Variants in VSTM4 observed in about 807,000 individuals in gnomAD.
VSTM4 encodes the protein V-set and transmembrane domain containing 4.
Under a neutral mutation model 36.4 loss-of-function variants are expected in VSTM4, and 20 were observed. That is an observed-to-expected ratio of 0.55 (90% CI 0.39 to 0.80). The LOEUF (loss-of-function observed/expected upper bound fraction) is 0.80, where lower values mean the gene tolerates loss of function less well. Ranked by LOEUF, VSTM4 falls within the 30% of genes least tolerant of loss-of-function variation. The pLI is 0.00. For synonymous variants in VSTM4, 182 were observed against 173.9 expected, an observed-to-expected ratio of 1.05 and a Z score of -0.37; for missense variants, 392 against 404.5, an observed-to-expected ratio of 0.97 and a Z score of 0.26.
At chr10:49,064,852 C>CTGA in intron 4 of VSTM4, 116 bp from the exon 5 acceptor site, 4 of 1,041,844 alleles carry the variant, frequency 3.8e-6, no homozygotes, top group Non-Finnish European at 5.7e-6. Context: ...GGTGCTATAC[C>CTGA]ACCCAACTCT....
intron 5 of VSTM4, among the ~76,000 whole-genome samples, chr10:49,063,116 AT>A (rs1843911192): frequency 6.6e-6 from 1 of 151,566 alleles, no homozygotes; most frequent in African/African-American, 2.4e-5. Context: ...AGGTGGGTGG[AT>A]CACCTGAGGT....
chr10:49,094,541 T>TTTTA (rs1057505240), intron 2 of VSTM4, among the ~76,000 whole-genome samples: 1 of 151,998 alleles, frequency 6.6e-6, no homozygotes, highest in African/African-American at 2.4e-5. Context: ...CTTACACAGG[T>TTTTA]TTTAATAGGA....
chr10:49,114,492 T>C (rs1844953240), intron 1 of VSTM4, among the ~76,000 whole-genome samples: 1 of 152,168 alleles, frequency 6.6e-6, no homozygotes, highest in Admixed American at 6.5e-5. Context: ...GGCAAGTCCG[T>C]TCATGGGCCT....
rs142127949 is a variant in VSTM4, at chr10:49,048,503, G to A, written c.750C>T (p.Asp250=). The part of the protein sequence containing the change: ...KKGKRQKEKP[D]IPPAVPAKAP... ...CTTTGGCAGGGACTGCGGGAGGAAT[G>A]TCAGGCTTCTCCTTCTGCCTCTTGC... Residue 250 remains aspartate, a synonymous_variant, in exon 6 of 8, where the codon GAC becomes GAT. Transcript: ENST00000332853. The A allele has an allele frequency of 0.011, 17,263 of 1,595,618 alleles. 800 individuals are homozygous for A. The South Asian group carries it at 0.12, about 11-fold the overall frequency.
intron 2 of VSTM4, among the ~76,000 whole-genome samples, chr10:49,096,338 C>T (rs139002611): frequency 6.6e-6 from 1 of 152,262 alleles, no homozygotes; most frequent in Non-Finnish European, 1.5e-5. Context: ...TTTAGGGTGA[C>T]AAACAGTTTT....
At chr10:49,028,586 G>C (rs2254628) in intron 7 of VSTM4, among the ~76,000 whole-genome samples, 102,338 of 151,962 alleles carry the variant, frequency 0.67, 36,360 homozygotes, top group Non-Finnish European at 0.8. Context: ...TTAATGGATA[G>C]TTTCTGAGTA....
chr10:49,038,162 G>A (rs1234576589), intron 7 of VSTM4, among the ~76,000 whole-genome samples: 1 of 152,142 alleles, frequency 6.6e-6, no homozygotes, highest in Non-Finnish European at 1.5e-5. Context: ...TGTACACCAT[G>A]GTCACGTCAG....
At chr10:49,071,060 G>C (rs1198768844) in intron 4 of VSTM4, among the ~76,000 whole-genome samples, 1 of 152,238 alleles carries the variant, frequency 6.6e-6, no homozygotes, top group African/African-American at 2.4e-5. Flanking sequence ...GAGAAGCAGA[G>C]TGCCTGGGAC....
intron 5 of VSTM4, 181 bp downstream of exon 5, chr10:49,064,522 A>C (rs982942716): frequency 1.4e-6 from 1 of 707,224 alleles, no homozygotes; most frequent in Non-Finnish European, 2.3e-6. Flanking sequence ...TGGGGGTGAA[A>C]ACCAGACTGT....
chr10:49,110,112 C>T (rs1211347800), intron 1 of VSTM4, among the ~76,000 whole-genome samples: 1 of 152,176 alleles, frequency 6.6e-6, no homozygotes, highest in Non-Finnish European at 1.5e-5. Flanking sequence ...TGAAGTCCAG[C>T]CCCACCCCGC....
At chr10:49,066,189 C>G (rs907673789) in intron 4 of VSTM4, among the ~76,000 whole-genome samples, 25 of 152,164 alleles carry the variant, frequency 1.6e-4, no homozygotes, top group Non-Finnish European at 2.9e-5. Context: ...ATTCATTTCC[C>G]TTCCCCACTT....
intron 2 of VSTM4, among the ~76,000 whole-genome samples, chr10:49,099,643 C>G (rs1350638222): frequency 2.6e-5 from 4 of 152,226 alleles, no homozygotes; most frequent in Non-Finnish European, 5.9e-5. Context: ...CAGGATTTCT[C>G]ACCCAGTGAA....
chr10:49,050,756 A>G (rs1032900830), intron 5 of VSTM4, among the ~76,000 whole-genome samples: 1 of 152,262 alleles, frequency 6.6e-6, no homozygotes, highest in Non-Finnish European at 1.5e-5. Flanking sequence ...TTTCCAATAT[A>G]AAATAATGCA....
Position 49,070,252 on chromosome 10 carries a change from CAAAAAA to C in VSTM4, c.635-5522_635-5517del, listed in dbSNP as rs780515012. Reference sequence around the variant, plus strand: ...TGGGCGACAGAGCGAGACTCCGTCTCAAAAAAAAAAAAAAAAAAAAAAAAAAAGAAA... The same window carrying C: ...TGGGCGACAGAGCGAGACTCCGTCTCAAAAAAAAAAAAAAAAAAAAAGAAA... On this transcript the variant is annotated intron_variant, in intron 4 of 7. Transcript: ENST00000332853. Among the ~76,000 whole-genome samples, 5 of 21,712 alleles carry C rather than the reference CAAAAAA, an allele frequency of 2.3e-4. 1 individual carries two copies. The highest frequency in any genetic ancestry group is 5.0e-4 in the African/African-American group (2 of 4,022). The allele number at this position is 21,712 out of a possible 152,430, so 14.2% of individuals were successfully genotyped here.
At chr10:49,104,859 A>T (rs530093856) in intron 2 of VSTM4, among the ~76,000 whole-genome samples, 1 of 150,204 alleles carries the variant, frequency 6.7e-6, no homozygotes, top group East Asian at 2.0e-4. Flanking sequence ...AGAGACACAC[A>T]CGGAGAGAGA....
At chr10:49,021,444 T>C (rs1180288563) in intron 7 of VSTM4, among the ~76,000 whole-genome samples, 1 of 152,026 alleles carries the variant, frequency 6.6e-6, no homozygotes, top group Non-Finnish European at 1.5e-5. Flanking sequence ...AAATAAAATT[T>C]AAAAAAACTG....
rs534705934 is a variant in VSTM4, at chr10:49,096,819, T to A, written c.457+10775A>T. Among the ~76,000 whole-genome samples, 5 of 152,162 alleles carry A rather than the reference T, an allele frequency of 3.3e-5. No homozygotes were observed. The East Asian group carries it at 9.7e-4, about 29-fold the overall frequency. ...ACAGTCTCCCGCCACCATGCCCGGC[T>A]AATTTTTATATTTTTAGTAGACACG... On this transcript the variant is annotated intron_variant, in intron 2 of 7. Transcript: ENST00000332853.
intron 2 of VSTM4, among the ~76,000 whole-genome samples, chr10:49,092,332 A>T (rs1844489751): frequency 6.6e-6 from 1 of 152,142 alleles, no homozygotes; most frequent in Middle Eastern, 3.4e-3. Context: ...TGTCATGTGC[A>T]CTCCTAGAAG....
intron 2 of VSTM4, chr10:49,103,169 CAA>C (rs1401471181): frequency 6.6e-6 from 1 of 152,290 alleles, no homozygotes; most frequent in East Asian, 1.9e-4. Flanking sequence ...GATTTATTGA[CAA>C]AGATTTACAG....
Sources: allele counts gnomAD v4.1 joint callset (sites outside exome capture counted in the v4.1 genomes callset), GRCh38; gene constraint gnomAD v4.1.1; transcripts MANE v1.5; gene names NCBI Gene and HGNC (gene_info 2026-07-23, HGNC 2026-07-21).